The following CFAP92 variants were observed in gnomAD, a reference collection of about 807,000 sequenced individuals.
CFAP92 encodes cilia and flagella associated protein 92 (putative).
A neutral mutation model predicts 106.3 loss-of-function variants in CFAP92; 86 were observed. That is an observed-to-expected ratio of 0.81 (90% CI 0.68 to 0.97). The LOEUF (loss-of-function observed/expected upper bound fraction) is 0.97, where lower values mean the gene tolerates loss of function less well. CFAP92 is among the 50% of genes least tolerant of loss of function. The pLI is 0.00. For missense variants in CFAP92, 1,204 were observed against 1,283.8 expected (o/e 0.94, Z 0.95); for synonymous variants, 477 against 506.4 (o/e 0.94, Z 0.78).
chr3:128,956,196 T>TAAAAAAAAATAAAAAAAA (rs1941373957), intron 9 of CFAP92, among the ~76,000 whole-genome samples: 1 of 61,714 alleles, frequency 1.6e-5, no homozygotes, highest in Non-Finnish European at 3.0e-5. Context: ...AAAAAAAAAA[T>TAAAAAAAAATAAAAAAAA]AAAAAAAAAA....
upstream of CFAP92, among the ~76,000 whole-genome samples, chr3:128,997,688 A>G (rs1944532510): frequency 1.3e-5 from 2 of 152,244 alleles, no homozygotes; most frequent in African/African-American, 4.8e-5. Flanking sequence ...TGGACAGACC[A>G]CAGTTTGCCT....
chr3:128,954,970 G>A (rs866445731), intron 9 of CFAP92, among the ~76,000 whole-genome samples: 14,767 of 31,314 alleles, frequency 0.47, 5,496 homozygotes, highest in East Asian at 0.79. Flanking sequence ...GAGGTGGGGC[G>A]GTCAGCCCCC....
At chr3:128,929,439 A>G (rs1307548652) in intron 12 of CFAP92, among the ~76,000 whole-genome samples, 1 of 152,222 alleles carries the variant, frequency 6.6e-6, no homozygotes, top group Admixed American at 6.5e-5. Context: ...CCCAAGAGAA[A>G]TGAAAACATA....
At chr3:129,023,591 CA>C in the CFAP92 span, among the ~76,000 whole-genome samples, 6 of 152,192 alleles carry the variant, frequency 3.9e-5, no homozygotes, top group African/African-American at 1.4e-4. Flanking sequence ...CTCGGCCTCC[CA>C]AAGTGCTGGG....
At chr3:128,982,712 G>C (rs965315069) in intron 4 of CFAP92, among the ~76,000 whole-genome samples, 2 of 152,156 alleles carry the variant, frequency 1.3e-5, no homozygotes, top group African/African-American at 2.4e-5. Context: ...GAACACTTTA[G>C]AGGCCATTGT....
intron 9 of CFAP92, among the ~76,000 whole-genome samples, chr3:128,960,268 G>A (rs1559899886): frequency 6.6e-6 from 1 of 152,188 alleles, no homozygotes; most frequent in South Asian, 2.1e-4. Context: ...GCCGTGACTC[G>A]GATCGGGGGA....
At chr3:128,997,631 G>GT (rs1260002948), upstream of CFAP92, among the ~76,000 whole-genome samples, 2 of 152,222 alleles carry the variant, frequency 1.3e-5, no homozygotes, top group African/African-American at 4.8e-5. Context: ...GTTGAGGCAT[G>GT]TGTCAGTATT....
At chr3:128,916,324 T>G in intron 12 of CFAP92, 53 bp from the exon 13 acceptor site, 3 of 1,159,688 alleles carry the variant, frequency 2.6e-6, no homozygotes, top group Non-Finnish European at 2.2e-6. Flanking sequence ...TCACCCCCCA[T>G]GCCAGCTCAT....
the CFAP92 span, among the ~76,000 whole-genome samples, chr3:129,019,685 G>A: frequency 2.6e-5 from 4 of 152,006 alleles, no homozygotes; most frequent in African/African-American, 9.7e-5. Context: ...GTGAGCCACA[G>A]GTAGCTACTG....
At chr3:128,962,430 A>G (rs1024040602) in intron 9 of CFAP92, among the ~76,000 whole-genome samples, 1 of 151,996 alleles carries the variant, frequency 6.6e-6, no homozygotes, top group Non-Finnish European at 1.5e-5. Flanking sequence ...ACTCTTTTTT[A>G]GTTATCCCCA....
intron 12 of CFAP92, among the ~76,000 whole-genome samples, chr3:128,924,432 CTTTTTTTTT>C (rs71153151): frequency 2.4e-3 from 165 of 69,822 alleles, no homozygotes; most frequent in Non-Finnish European, 2.9e-3. Context: ...ACGATTGTAT[CTTTTTTTTT>C]TTTTTTTTTT....
At chr3:128,911,508 G>A (rs1457138734) in intron 15 of CFAP92, among the ~76,000 whole-genome samples, 2 of 152,100 alleles carry the variant, frequency 1.3e-5, no homozygotes, top group Non-Finnish European at 2.9e-5. Context: ...CATGATCTTG[G>A]CTCACTGCAA....
At chr3:128,972,882 G>A (rs1026090236) in intron 7 of CFAP92, among the ~76,000 whole-genome samples, 3 of 151,490 alleles carry the variant, frequency 2.0e-5, no homozygotes, top group Admixed American at 6.6e-5. Context: ...AAGATAGAGA[G>A]ATGATGTTTC....
At chr3:128,959,976 G>C (rs1022600348) in intron 9 of CFAP92, among the ~76,000 whole-genome samples, 3 of 152,058 alleles carry the variant, frequency 2.0e-5, no homozygotes, top group African/African-American at 7.2e-5. Flanking sequence ...CACCCTAACT[G>C]ATCAATGTAC....
At chr3:128,919,937 T>C (rs1024573661) in intron 12 of CFAP92, among the ~76,000 whole-genome samples, 2 of 152,214 alleles carry the variant, frequency 1.3e-5, no homozygotes, top group Non-Finnish European at 2.9e-5. Flanking sequence ...TGTCTCCTGC[T>C]TTATCATCTC....
chr3:128,951,530 T>C (rs903297976), intron 9 of CFAP92, among the ~76,000 whole-genome samples: 2 of 152,022 alleles, frequency 1.3e-5, no homozygotes, highest in African/African-American at 4.8e-5. Context: ...ACAAAGACTT[T>C]GAAAAGTACA....
intron 2 of CFAP92, among the ~76,000 whole-genome samples, chr3:128,992,814 G>A (rs945264850): frequency 1.7e-4 from 26 of 152,068 alleles, no homozygotes; most frequent in African/African-American, 6.3e-4. Flanking sequence ...AACATCACCT[G>A]CTTTAGGGTT....
At chr3:128,921,132 T>A (rs536274974) in intron 12 of CFAP92, among the ~76,000 whole-genome samples, 1 of 152,258 alleles carries the variant, frequency 6.6e-6, no homozygotes, top group East Asian at 1.9e-4. Context: ...TCTTGTCTCA[T>A]CTGTTTGACT....
chr3:129,026,094 G>A, the CFAP92 span, among the ~76,000 whole-genome samples: 1 of 152,220 alleles, frequency 6.6e-6, no homozygotes, highest in Non-Finnish European at 1.5e-5. Flanking sequence ...CCTGTTATAG[G>A]GTTTTCATGA....
Sources: allele counts gnomAD v4.1 joint callset (sites outside exome capture counted in the v4.1 genomes callset), GRCh38; gene constraint gnomAD v4.1.1; transcripts MANE v1.5; gene names NCBI Gene and HGNC (gene_info 2026-07-23, HGNC 2026-07-21).